The following DLGAP2 variants were observed in gnomAD, a reference collection of about 807,000 sequenced individuals.
The protein encoded by DLGAP2 is DLG associated protein 2.
A neutral mutation model predicts 100.3 loss-of-function variants in DLGAP2; 26 were observed. The ratio of observed to expected loss-of-function variants is 0.26; its 90% CI spans 0.19 to 0.36. The LOEUF is 0.36. DLGAP2 is among the 10% of genes least tolerant of loss of function. The probability of loss-of-function intolerance (pLI) is 1.00; values close to 1 mark genes in which losing one functional copy is unlikely to be tolerated. For missense variants in DLGAP2, 1,858 were observed against 1,453.2 expected (o/e 1.28, Z -4.53); for synonymous variants, 886 against 630.1 (o/e 1.41, Z -6.08).
At chr8:1,018,143 G>A (rs1194737549) in intron 2 of DLGAP2, among the ~76,000 whole-genome samples, 1 of 151,642 alleles carries the variant, frequency 6.6e-6, no homozygotes, top group African/African-American at 2.4e-5. Context: ...CCTCATGCTT[G>A]GCCCTGCTCA....
intron 2 of DLGAP2, among the ~76,000 whole-genome samples, chr8:957,133 C>A (rs557204616): frequency 6.6e-6 from 1 of 152,170 alleles, no homozygotes; most frequent in East Asian, 1.9e-4. Context: ...CAGTTGGAAA[C>A]ATGGGGAATG....
rs1240606711 is a variant in DLGAP2, at chr8:1,235,605, G to A, written c.74-23246G>A. ...ATGTCTAGTTCTCTCACATGGTGCCGTGTCTACTTCTTTCTCACACATAGC... is the reference window on the plus strand; with the variant it reads ...ATGTCTAGTTCTCTCACATGGTGCCATGTCTACTTCTTTCTCACACATAGC... On this transcript the variant is annotated intron_variant, in intron 2 of 14. Coordinates refer to ENST00000637795, the MANE Select transcript of DLGAP2 (RefSeq NM_001346810.2). 5.2e-5 allele frequency among the ~76,000 whole-genome samples: 3 copies of A among 57,612 alleles called. 1 individual carries two copies. The highest frequency in any genetic ancestry group is 9.7e-5 in the Non-Finnish European group (3 of 30,840). 37.8% of individuals were successfully genotyped at this position (57,612 alleles called of 152,430 possible).
intron 2 of DLGAP2, among the ~76,000 whole-genome samples, chr8:1,136,286 G>A (rs140124208): frequency 5.2e-4 from 77 of 148,614 alleles, no homozygotes; most frequent in Middle Eastern, 3.5e-3. Context: ...CCAGCGAATA[G>A]ACTTCAAACC....
intron 8 of DLGAP2, among the ~76,000 whole-genome samples, chr8:1,656,418 T>A (rs996233061): frequency 1.3e-5 from 2 of 152,090 alleles, no homozygotes; most frequent in African/African-American, 4.8e-5. Flanking sequence ...CCTAAGAATG[T>A]AGGCATTTTC....
intron 5 of DLGAP2, among the ~76,000 whole-genome samples, chr8:1,553,063 G>A (rs1233889481): frequency 6.6e-6 from 1 of 152,102 alleles, no homozygotes; most frequent in Middle Eastern, 3.2e-3. Flanking sequence ...CCAGGGACGT[G>A]CAGGGAGGGA....
intron 2 of DLGAP2, among the ~76,000 whole-genome samples, chr8:1,205,907 A>G (rs1797979809): frequency 6.6e-6 from 1 of 152,162 alleles, no homozygotes; most frequent in African/African-American, 2.4e-5. Context: ...GATCGCAGCT[A>G]CCTGGGATGC....
At chr8:1,274,889 T>C (rs1244629325) in intron 3 of DLGAP2, among the ~76,000 whole-genome samples, 1 of 152,146 alleles carries the variant, frequency 6.6e-6, no homozygotes, top group Non-Finnish European at 1.5e-5. Context: ...TAGCAATTAC[T>C]TTATGAATAT....
chr8:1,544,839 T>C (rs1003973871), intron 4 of DLGAP2, among the ~76,000 whole-genome samples: 2 of 152,006 alleles, frequency 1.3e-5, no homozygotes, highest in African/African-American at 4.8e-5. Context: ...TTCAAGCGAT[T>C]CTCCTGCATC....
chr8:1,122,160 A>G (rs749843012), intron 2 of DLGAP2, among the ~76,000 whole-genome samples: 2 of 152,146 alleles, frequency 1.3e-5, no homozygotes, highest in African/African-American at 4.8e-5. Flanking sequence ...GGTCTTGTTT[A>G]TGGCTTTAGG....
intron 2 of DLGAP2, among the ~76,000 whole-genome samples, chr8:1,018,055 C>T (rs957354832): frequency 2.0e-5 from 3 of 152,056 alleles, no homozygotes; most frequent in African/African-American, 4.8e-5. Flanking sequence ...ACAGGCCCTC[C>T]GTCCTCAGCT....
intron 6 of DLGAP2, among the ~76,000 whole-genome samples, chr8:1,600,367 AAGG>A (rs1185329403): frequency 9.9e-5 from 15 of 152,046 alleles, no homozygotes; most frequent in African/African-American, 3.4e-4. Context: ...TGCTCTTCTC[AAGG>A]AGTAACTTTG....
chr8:797,983 G>C (rs1238821508), intron 1 of DLGAP2, among the ~76,000 whole-genome samples: 2 of 152,000 alleles, frequency 1.3e-5, no homozygotes, highest in Non-Finnish European at 2.9e-5. Flanking sequence ...AACTCCTGAT[G>C]TCGTGATACG....
intron 6 of DLGAP2, among the ~76,000 whole-genome samples, chr8:1,576,722 G>C (rs35512501): frequency 0.48 from 73,425 of 151,894 alleles, 17,859 homozygotes; most frequent in East Asian, 0.55. Context: ...TAAATAGGGA[G>C]TCCTTTCTCC....
chr8:1,564,685 G>A (rs370551646), intron 5 of DLGAP2, among the ~76,000 whole-genome samples: 32 of 152,212 alleles, frequency 2.1e-4, no homozygotes, highest in Admixed American at 2.0e-3. Flanking sequence ...CACGGGTGCT[G>A]AGTTCTATAC....
At chr8:1,359,669 TC>T (rs1801934495) in intron 3 of DLGAP2, among the ~76,000 whole-genome samples, 1 of 152,146 alleles carries the variant, frequency 6.6e-6, no homozygotes, top group Non-Finnish European at 1.5e-5. Flanking sequence ...CAGATAGCCA[TC>T]CCCTCCCAAT....
intron 3 of DLGAP2, among the ~76,000 whole-genome samples, chr8:1,383,936 C>A (rs944981320): frequency 6.6e-6 from 1 of 152,144 alleles, no homozygotes; most frequent in Non-Finnish European, 1.5e-5. Context: ...TTCTCTTCTC[C>A]GATGTGTTAC....
intron 3 of DLGAP2, among the ~76,000 whole-genome samples, chr8:1,277,003 C>A (rs1799711468): frequency 6.6e-6 from 1 of 152,046 alleles, no homozygotes; most frequent in South Asian, 2.1e-4. Flanking sequence ...TTTTGTGGGT[C>A]CACTGTGATT....
chr8:1,663,373 G>A (rs1480700157), intron 8 of DLGAP2, among the ~76,000 whole-genome samples: 1 of 152,062 alleles, frequency 6.6e-6, no homozygotes, highest in African/African-American at 2.4e-5. Context: ...GCTGTTTGGG[G>A]ACCCGGTGGT....
At chr8:1,669,648 A>T in intron 9 of DLGAP2, 95 bp from the exon 10 acceptor site, 1 of 773,774 alleles carries the variant, frequency 1.3e-6, no homozygotes, top group East Asian at 2.4e-5. Flanking sequence ...CGGCGCTGGT[A>T]GCTAGGCATG....
Sources: gnomAD v4.1 joint callset for allele counts (sites outside exome capture counted in the v4.1 genomes callset) on GRCh38, gnomAD v4.1.1 for gene constraint, MANE v1.5 for transcripts, NCBI Gene and HGNC (gene_info 2026-07-23, HGNC 2026-07-21) for gene names.